The following RBM17 variants were observed in gnomAD, a reference collection of about 807,000 sequenced individuals.
RBM17 encodes the protein splicing factor 45.
Under a neutral mutation model 53.2 loss-of-function variants are expected in RBM17, and 7 were observed. The ratio of observed to expected loss-of-function variants is 0.13; its 90% CI spans 0.07 to 0.25. The LOEUF (loss-of-function observed/expected upper bound fraction) is 0.25, where lower values mean the gene tolerates loss of function less well. RBM17 is among the 10% of genes least tolerant of loss of function. RBM17 has a pLI of 1.00. For missense variants in RBM17, 257 were observed against 496.7 expected, an observed-to-expected ratio of 0.52 and a Z score of 4.59; for synonymous variants, 167 against 178.1, an observed-to-expected ratio of 0.94 and a Z score of 0.50.
intron 5 of RBM17, among the ~76,000 whole-genome samples, chr10:6,107,264 A>G (rs1369727278): frequency 6.6e-6 from 1 of 151,132 alleles, no homozygotes; most frequent in Admixed American, 6.6e-5. Context: ...ACAACCTGCA[A>G]CCTCCTGGGT....
At chr10:6,102,680 G>T (rs1840685051) in intron 3 of RBM17, among the ~76,000 whole-genome samples, 1 of 151,974 alleles carries the variant, frequency 6.6e-6, no homozygotes, top group African/African-American at 2.4e-5. Flanking sequence ...TAGTTTTCAC[G>T]ATCAGTTTTT....
At chr10:6,108,183 G>A (rs993925728) in intron 5 of RBM17, among the ~76,000 whole-genome samples, 1 of 152,170 alleles carries the variant, frequency 6.6e-6, no homozygotes, top group African/African-American at 2.4e-5. Flanking sequence ...GCTGTGTGGT[G>A]GGGGAGATAT....
intron 1 of RBM17, among the ~76,000 whole-genome samples, chr10:6,091,342 A>C (rs1389319029): frequency 1.3e-5 from 2 of 152,182 alleles, no homozygotes; most frequent in Non-Finnish European, 2.9e-5. Flanking sequence ...TACAGGCGTG[A>C]GCCACTGGGC....
rs530269255 is a variant in RBM17, at chr10:6,111,935, C to T, written c.705-275C>T. On this transcript the variant is annotated intron_variant, in intron 7 of 11. Transcript: ENST00000379888. ...ACACAAAAGGTCTTGTGTTTCCTAGCAGGGCACTGAGGAGACTCCACCAGA... is the reference window on the plus strand; with the variant it reads ...ACACAAAAGGTCTTGTGTTTCCTAGTAGGGCACTGAGGAGACTCCACCAGA... Among the ~76,000 whole-genome samples, 6 of 152,288 alleles carry T rather than the reference C, an allele frequency of 3.9e-5. No homozygotes were observed. The South Asian group carries it at 1.0e-3, about 26-fold the overall frequency.
At chr10:6,095,023 C>T (rs147021894) in intron 1 of RBM17, among the ~76,000 whole-genome samples, 1 of 152,080 alleles carries the variant, frequency 6.6e-6, no homozygotes, top group East Asian at 1.9e-4. Context: ...GGATTCCCTC[C>T]AAGACTTTGA....
intron 5 of RBM17, among the ~76,000 whole-genome samples, chr10:6,107,035 A>G (rs995599644): frequency 1.3e-5 from 2 of 152,246 alleles, no homozygotes; most frequent in African/African-American, 4.8e-5. Flanking sequence ...TAGTAAAATG[A>G]TCATGGAAGT....
chr10:6,095,478 TGCTGGGATTACAGGCGTGAGCC>T (rs978290446), intron 1 of RBM17, among the ~76,000 whole-genome samples: 2 of 152,120 alleles, frequency 1.3e-5, no homozygotes, highest in African/African-American at 4.8e-5. Flanking sequence ...CCTCCCAAAG[TGCTGGGATTACAGGCGTGAGCC>T]ACCGTGCCTG....
At chr10:6,102,606 T>G (rs1453132866) in intron 3 of RBM17, among the ~76,000 whole-genome samples, 1 of 152,228 alleles carries the variant, frequency 6.6e-6, no homozygotes, top group African/African-American at 2.4e-5. Flanking sequence ...AATCGTGTAT[T>G]GGTTCTAGTA....
intron 1 of RBM17, among the ~76,000 whole-genome samples, chr10:6,091,112 T>C (rs1840478351): frequency 6.6e-6 from 1 of 151,050 alleles, no homozygotes; most frequent in Non-Finnish European, 1.5e-5. Context: ...CAGGCTGGAG[T>C]GCAGCGGTGT....
intron 5 of RBM17, among the ~76,000 whole-genome samples, chr10:6,107,252 C>T (rs1037169592): frequency 6.6e-6 from 1 of 152,152 alleles, no homozygotes; most frequent in Admixed American, 6.5e-5. Flanking sequence ...TCTCGGCTCA[C>T]CACAACCTGC....
intron 3 of RBM17, among the ~76,000 whole-genome samples, chr10:6,104,135 G>A (rs1377836286): frequency 3.9e-5 from 6 of 152,212 alleles, no homozygotes; most frequent in Non-Finnish European, 8.8e-5. Context: ...CCAGCACCAC[G>A]TGTAGACCGA....
At chr10:6,099,157 A>G (rs1280436358) in intron 2 of RBM17, among the ~76,000 whole-genome samples, 1 of 149,488 alleles carries the variant, frequency 6.7e-6, no homozygotes, top group Non-Finnish European at 1.5e-5. Flanking sequence ...TGCAGGGAAG[A>G]TGCAGGTGTG....
chr10:6,112,090 G>T lies in RBM17; in HGVS notation c.705-120G>T. On this transcript the variant is annotated intron_variant, in intron 7 of 11. Transcript: ENST00000379888. The surrounding 1 kb of genome is among the most constrained non-coding windows in gnomAD (Gnocchi z 4.4). ...CCACTCCTAGTTAATGAGTGACTTT[G>T]TTGAAGCCCCTGTGGAGCATGCACT... 2.1e-6 allele frequency: 2 copies of T among 951,520 alleles called. No individual in the cohort carries two copies. Among genetic ancestry groups the T allele is most frequent in the Admixed American group, 2.4e-5 (1 of 41,220 alleles). 58.9% of individuals were successfully genotyped at this position (951,520 alleles called of 1,614,324 possible).
In RBM17 at chr10:6,112,114, C is replaced by G. The variant is rs979593635; in HGVS notation, c.705-96C>G. The G allele has an allele frequency of 6.4e-5, 84 of 1,307,242 alleles. No homozygotes were observed. The African/African-American group carries it at 1.1e-3, about 17-fold the overall frequency. 81.0% of individuals were successfully genotyped at this position (1,307,242 alleles called of 1,614,324 possible). A position where few individuals can be genotyped will look rare whatever the true frequency, so the allele number is the denominator to read the frequency against. On this transcript the variant is annotated intron_variant, in intron 7 of 11. Coordinates refer to ENST00000379888, the MANE Select transcript of RBM17 (RefSeq NM_032905.5). The surrounding 1 kb of genome is among the most constrained non-coding windows in gnomAD (Gnocchi z 4.4). ...TGTTGAAGCCCCTGTGGAGCATGCA[C>G]TCTCTCCAGAAGGAGGTTGTTGTGA... is the stretch of plus-strand genomic sequence containing the variant.
At chr10:6,098,527 T>A (rs1840612672) in intron 2 of RBM17, among the ~76,000 whole-genome samples, 2 of 150,780 alleles carry the variant, frequency 1.3e-5, no homozygotes, top group South Asian at 4.2e-4. Context: ...ATCTCTAATT[T>A]CATGTTTGAA....
chr10:6,096,563 A>G (rs1279877885), intron 1 of RBM17, among the ~76,000 whole-genome samples: 1 of 152,130 alleles, frequency 6.6e-6, no homozygotes, highest in Non-Finnish European at 1.5e-5. Flanking sequence ...GATAATTGTA[A>G]TTGACAAAAT....
chr10:6,089,929 C>G lies in RBM17; in HGVS notation c.-19+736C>G, dbSNP rs61839683. 11,486 of 152,224 alleles carry G rather than the reference C, an allele frequency of 0.075. 576 individuals carry two copies. Among genetic ancestry groups the G allele is most frequent in the Middle Eastern group, 0.12 (34 of 294 alleles). 9.4% of individuals were successfully genotyped at this position (152,224 alleles called of 1,614,324 possible). A position where few individuals can be genotyped will look rare whatever the true frequency, so the allele number is the denominator to read the frequency against. Reference sequence around the variant, plus strand: ...GAAACGCAAGTGGGGTCTGGAAGGACCTCTCTTGAGAGAGGAGGTCATGCT... The same window carrying G: ...GAAACGCAAGTGGGGTCTGGAAGGAGCTCTCTTGAGAGAGGAGGTCATGCT... On this transcript the variant is annotated intron_variant, in intron 1 of 11. Transcript: ENST00000379888. This position sits in a 1 kb window ranked among gnomAD's most constrained non-coding sequence, Gnocchi z 5.6.
rs139583933 is a variant in RBM17 at position 6,099,688 on chromosome 10, A to G, written c.124-1583A>G. On this transcript the variant is annotated intron_variant, in intron 2 of 11. Coordinates refer to ENST00000379888, the MANE Select transcript of RBM17 (RefSeq NM_032905.5). ...ATTGTTTTATTTTCTTAATATTTTC[A>G]GCCTGGGGTTAGATGTGGAACCTGT... Among the ~76,000 whole-genome samples the G allele has an allele frequency of 3.1e-3, 478 of 152,146 alleles. 6 individuals carry two copies. Among genetic ancestry groups the G allele is most frequent in the African/African-American group, 0.011 (457 of 41,498 alleles).
At chr10:6,098,676 C>T (rs1396392431) in intron 2 of RBM17, among the ~76,000 whole-genome samples, 1 of 147,722 alleles carries the variant, frequency 6.8e-6, no homozygotes, top group Non-Finnish European at 1.5e-5. Flanking sequence ...CCCAGGTTCA[C>T]GCCATTCTCC....
Sources: allele counts gnomAD v4.1 joint callset (sites outside exome capture counted in the v4.1 genomes callset), GRCh38; gene constraint gnomAD v4.1.1; non-coding constraint Gnocchi (gnomAD v3.1); transcripts MANE v1.5; gene names NCBI Gene and HGNC (gene_info 2026-07-23, HGNC 2026-07-21).